The following CCT7 variants were observed in gnomAD, a reference collection of about 807,000 sequenced individuals.
CCT7 encodes the protein T-complex protein 1 subunit eta.
CCT7 carries 16 observed loss-of-function variants against 56.6 expected under a neutral mutation model. That is an observed-to-expected ratio of 0.28 (90% CI 0.19 to 0.43). The LOEUF (loss-of-function observed/expected upper bound fraction) is 0.43. Among genes scored for constraint, CCT7 ranks in the 20% least tolerant of loss-of-function variants. The probability of loss-of-function intolerance (pLI) is 1.00; values close to 1 mark genes in which losing one functional copy is unlikely to be tolerated. For synonymous variants in CCT7, 262 were observed against 254.8 expected (o/e 1.03, Z -0.27); for missense variants, 519 against 685.6 (o/e 0.76, Z 2.71).
chr2:73,242,880 G>A, intron 3 of CCT7, 124 bp from the exon 4 acceptor site: 1 of 1,200,076 alleles, frequency 8.3e-7, no homozygotes, highest in Non-Finnish European at 1.2e-6. Flanking sequence ...TGTGCTTCCA[G>A]AAAAAAGCTT....
At chr2:73,236,783 C>CGAT (rs1686902584) in intron 1 of CCT7, among the ~76,000 whole-genome samples, 1 of 152,192 alleles carries the variant, frequency 6.6e-6, no homozygotes, top group African/African-American at 2.4e-5. Context: ...TGACTCAATC[C>CGAT]AGCTCTGCCA....
rs749619027 is a variant in CCT7 at position 73,239,791 on chromosome 2, G to A, written c.155G>A (p.Gly52Asp). 2 of 1,613,872 alleles carry A rather than the reference G, an allele frequency of 1.2e-6. No individual in the cohort carries two copies. Among genetic ancestry groups the A allele is most frequent in the South Asian group, 2.2e-5 (2 of 91,052 alleles). The change falls in exon 2 of 12, where the codon GGC becomes GAC. Residue 52 changes from glycine to aspartate, a missense_variant. Physicochemically the swap from Gly to Asp is moderately conservative, Grantham distance 94. Transcript: ENST00000258091. ...PRGMDKLIVD[G>D]RGKATISNDG... ...GGCATGGACAAGCTTATTGTAGATG[G>A]CAGAGGTAAGTCTACAGAGTTCCTC...
chr2:73,236,094 A>G (rs1686869752), intron 1 of CCT7, among the ~76,000 whole-genome samples: 1 of 152,212 alleles, frequency 6.6e-6, no homozygotes. Flanking sequence ...ATCGAAAGAG[A>G]GGTGAAAAGG....
chr2:73,236,109 C>T (rs59137668), intron 1 of CCT7, among the ~76,000 whole-genome samples: 17,788 of 152,218 alleles, frequency 0.12, 1,459 homozygotes, highest in African/African-American at 0.23. Context: ...AAAAGGTCCC[C>T]TGAAACCTCA....
At chr2:73,238,962 T>A (rs1686991804) in intron 1 of CCT7, 1 of 152,254 alleles carries the variant, frequency 6.6e-6, no homozygotes, top group Non-Finnish European at 1.5e-5. Context: ...AGAGGAAAAC[T>A]TCTTTGGGGT....
chr2:73,251,241 G>A lies in CCT7; in HGVS notation c.1219G>A (p.Ala407Thr), dbSNP rs748751230. The stretch of plus-strand genomic sequence containing the variant: ...ATCTCTGCAGAATGATTCAGTGGTG[G>A]CTGGTGGCGGGGCCATTGAGATGGA... ...RRAIKNDSVV[A>T]GGGAIEMELS... The change falls in exon 11 of 12, where the codon GCT (alanine) becomes ACT (threonine). Residue 407 changes from alanine (A) to threonine (T), a missense_variant. By Grantham distance (58) the Ala-to-Thr change is moderately conservative (BLOSUM62 0). Around this residue, in one of 3 missense-constraint regions of CCT7, gnomAD observed 237 missense variants for 300.8 expected, o/e 0.79. Transcript: ENST00000258091. 1 of 1,614,162 alleles carries A rather than the reference G, an allele frequency of 6.2e-7. No homozygotes were observed. Among genetic ancestry groups the A allele is most frequent in the South Asian group, 1.1e-5 (1 of 91,090 alleles).
At chr2:73,242,119 CT>C (rs113462777) in intron 3 of CCT7, among the ~76,000 whole-genome samples, 689 of 143,014 alleles carry the variant, frequency 4.8e-3, no homozygotes, top group Middle Eastern at 7.1e-3. Context: ...TGAAAGTTAC[CT>C]TTTTTTTTTT....
At chr2:73,240,891 C>CCTTT (rs1203428136) in intron 3 of CCT7, among the ~76,000 whole-genome samples, 6 of 150,228 alleles carry the variant, frequency 4.0e-5, no homozygotes, top group African/African-American at 1.5e-4. Context: ...TTCCAATCTG[C>CCTTT]CTTTCTTTCT....
At chr2:73,235,382 C>T (rs944163186) in intron 1 of CCT7, among the ~76,000 whole-genome samples, 1 of 152,184 alleles carries the variant, frequency 6.6e-6, no homozygotes, top group Admixed American at 6.5e-5. Context: ...TTTGGCCTGT[C>T]CGACTCTATC....
chr2:73,249,995 T>A, intron 9 of CCT7, 79 bp downstream of exon 9: 2 of 986,006 alleles, frequency 2.0e-6, no homozygotes, highest in South Asian at 2.6e-5. Context: ...GGTATACAGC[T>A]TTTACAAAGT....
At chr2:73,237,816 A>G (rs1361019204) in intron 1 of CCT7, 1 of 152,210 alleles carries the variant, frequency 6.6e-6, no homozygotes, top group African/African-American at 2.4e-5. Context: ...TAATCCTAGC[A>G]CTTCAGAAGG....
At chr2:73,251,204 A>G (rs537239964) in intron 10 of CCT7, 22 bp from the exon 11 acceptor site, 60 of 1,612,380 alleles carry the variant, frequency 3.7e-5, no homozygotes, top group Admixed American at 1.5e-4. Context: ...TCTTACATTG[A>G]GAGGTGGTCT....
In CCT7 at chr2:73,239,588, C is replaced by A. The variant is rs200897956; in HGVS notation, c.7-55C>A. 1.9e-4 allele frequency: 281 copies of A among 1,517,614 alleles called. No individual in the cohort carries two copies. In the African/African-American group the frequency reaches 3.4e-3, roughly 18 times the overall value. 94.0% of individuals were successfully genotyped at this position (1,517,614 alleles called of 1,614,324 possible). On this transcript the variant is annotated intron_variant, in intron 1 of 11. Coordinates refer to ENST00000258091, the MANE Select transcript of CCT7 (RefSeq NM_006429.4). ...TGGGAGCATTTTCCCCTTTCCCCTG[C>A]CAGTCTCATTATAATAGATGATTAT...
chr2:73,239,913 G>A, intron 2 of CCT7, 117 bp downstream of exon 2: 1 of 870,234 alleles, frequency 1.1e-6, no homozygotes, highest in East Asian at 2.6e-5. Context: ...GTTGAAAGAT[G>A]ACTCACTCTG....
chr2:73,251,151 G>A, intron 10 of CCT7, 75 bp from the exon 11 acceptor site: 3 of 1,343,252 alleles, frequency 2.2e-6, no homozygotes, highest in Non-Finnish European at 3.2e-6. Flanking sequence ...GGGCTGAAGG[G>A]ACCTACTGAG....
At chr2:73,237,302 T>A (rs1170295124) in intron 1 of CCT7, among the ~76,000 whole-genome samples, 3 of 152,180 alleles carry the variant, frequency 2.0e-5, no homozygotes, top group African/African-American at 7.2e-5. Context: ...CTATTTTAGA[T>A]GGGGGTACAC....
At position 73,247,306 on chromosome 2, in the gene CCT7, G is replaced by A. The variant is rs534038917; in HGVS notation, c.619-456G>A. On this transcript the variant is annotated intron_variant, in intron 6 of 11. Transcript: ENST00000258091. ...GTGGAGGGTGCAGTGCAAATTATGG[G>A]TACATGGAGGTGTACAGGAGGATAC... 9.7e-4 allele frequency among the ~76,000 whole-genome samples: 147 copies of A among 152,306 alleles called. 1 individual carries two copies. The highest frequency in any genetic ancestry group is 1.7e-3 in the African/African-American group (71 of 41,566).
chr2:73,240,816 T>C (rs1325618610), intron 3 of CCT7, among the ~76,000 whole-genome samples: 1 of 152,152 alleles, frequency 6.6e-6, no homozygotes, highest in Non-Finnish European at 1.5e-5. Flanking sequence ...CTGTCATTTG[T>C]GTGAGTTGCT....
intron 1 of CCT7, chr2:73,237,539 C>G (rs1686933265): frequency 6.6e-6 from 1 of 152,138 alleles, no homozygotes; most frequent in Admixed American, 6.5e-5. Context: ...GGACACACAT[C>G]TTTCCCTTAC....
Sources: gnomAD v4.1 joint callset for allele counts (sites outside exome capture counted in the v4.1 genomes callset) on GRCh38, gnomAD v4.1.1 for gene constraint, gnomAD v4.1.1 regional missense constraint, MANE v1.5 for transcripts, NCBI Gene and HGNC (gene_info 2026-07-23, HGNC 2026-07-21) for gene names.